Variants in EVL observed in about 807,000 individuals in gnomAD.
The protein encoded by EVL is ena/VASP-like protein.
EVL carries 21 observed loss-of-function variants against 59.6 expected under a neutral mutation model. The observed-to-expected ratio is 0.35, with a 90% confidence interval of 0.25 to 0.51. The LOEUF (loss-of-function observed/expected upper bound fraction) is 0.51. EVL is among the 20% of genes least tolerant of loss of function. The pLI, the probability that EVL is intolerant of heterozygous loss-of-function variation, is 0.97. For missense variants in EVL, 462 were observed against 546.6 expected (o/e 0.85, Z 1.54); for synonymous variants, 198 against 203.5 (o/e 0.97, Z 0.23).
chr14:100,003,091 T>C (rs986294191), intron 1 of EVL, among the ~76,000 whole-genome samples: 5 of 152,336 alleles, frequency 3.3e-5, no homozygotes, highest in South Asian at 2.1e-4. Flanking sequence ...GGTTAACTTA[T>C]AGAGAAACTG....
chr14:100,048,240 A>G (rs2061586993), intron 1 of EVL, among the ~76,000 whole-genome samples: 1 of 152,214 alleles, frequency 6.6e-6, no homozygotes, highest in Non-Finnish European at 1.5e-5. Context: ...ACTTGGAGAA[A>G]ATATTTACAA....
At chr14:100,123,446 C>T in intron 3 of EVL, 93 bp from the exon 4 acceptor site, 1 of 1,268,126 alleles carries the variant, frequency 7.9e-7, no homozygotes, top group South Asian at 1.3e-5. Flanking sequence ...CTTCTGCAGC[C>T]AGAAGGTGGG....
intron 1 of EVL, among the ~76,000 whole-genome samples, chr14:100,024,967 C>T (rs1380597955): frequency 6.6e-6 from 1 of 152,120 alleles, no homozygotes. Flanking sequence ...CCTACCAGCT[C>T]TGTCTCAGAA....
intron 3 of EVL, among the ~76,000 whole-genome samples, chr14:100,120,380 G>A (rs893644600): frequency 6.6e-6 from 1 of 152,220 alleles, no homozygotes; most frequent in African/African-American, 2.4e-5. Flanking sequence ...GGAGTGAGAC[G>A]TGCTCTCTGC....
At chr14:99,982,678 C>T (rs1019422517) in intron 1 of EVL, among the ~76,000 whole-genome samples, 7 of 152,156 alleles carry the variant, frequency 4.6e-5, no homozygotes, top group African/African-American at 1.7e-4. Context: ...GCGATTCATA[C>T]GAAGATGCAT....
At chr14:100,075,988 C>T (rs1483379753) in intron 1 of EVL, among the ~76,000 whole-genome samples, 2 of 152,098 alleles carry the variant, frequency 1.3e-5, no homozygotes, top group Admixed American at 1.3e-4. Flanking sequence ...GAGCCATATG[C>T]CTGTTAGTAG....
At chr14:100,040,524 C>T (rs1316295743) in intron 1 of EVL, among the ~76,000 whole-genome samples, 4 of 152,136 alleles carry the variant, frequency 2.6e-5, no homozygotes, top group Non-Finnish European at 5.9e-5. Flanking sequence ...CAGGACAGAA[C>T]GGAGCCTGAC....
At chr14:100,040,161 G>A (rs2061446546) in intron 1 of EVL, among the ~76,000 whole-genome samples, 1 of 152,220 alleles carries the variant, frequency 6.6e-6, no homozygotes, top group African/African-American at 2.4e-5. Flanking sequence ...ACGGCTCAAT[G>A]CACAGTGATC....
At position 100,070,970 on chromosome 14, in the gene EVL, A is replaced by G. The variant is rs370742600; in HGVS notation, c.11+5459A>G. On this transcript the variant is annotated intron_variant, in intron 1 of 13. Transcript: ENST00000392920. ...GAAAGGGCTACGCCGGTGGCCTTGA[A>G]AGAGTATGGGAGATGCATATGAGAC... Among the ~76,000 whole-genome samples, 13 of 152,272 alleles carry G rather than the reference A, an allele frequency of 8.5e-5. 1 individual carries two copies. The East Asian group carries it at 1.9e-3, about 23-fold the overall frequency.
At chr14:100,141,634 A>C (rs1889173576) in intron 12 of EVL, 102 bp from the exon 13 acceptor site, 1 of 1,066,128 alleles carries the variant, frequency 9.4e-7, no homozygotes, top group East Asian at 2.5e-5. Flanking sequence ...GCAACTCTGG[A>C]GAGGCCCAGG....
chr14:99,983,400 G>A (rs1268822529), intron 1 of EVL, among the ~76,000 whole-genome samples: 7 of 152,170 alleles, frequency 4.6e-5, no homozygotes, highest in African/African-American at 1.7e-4. Context: ...GGAAACATGA[G>A]CCAGTGTGTG....
chr14:99,997,884 TGATTA>T (rs1220034713), intron 1 of EVL, among the ~76,000 whole-genome samples: 2 of 152,232 alleles, frequency 1.3e-5, no homozygotes. Context: ...TTACCAAGCA[TGATTA>T]GAAATGCAAG....
At position 100,081,954 on chromosome 14, in the gene EVL, T is replaced by A. The variant is rs374407591; in HGVS notation, c.12-2733T>A. Among the ~76,000 whole-genome samples, 8 of 152,120 alleles carry A rather than the reference T, an allele frequency of 5.3e-5. No individual in the cohort carries two copies. The East Asian group carries it at 1.6e-3, about 29-fold the overall frequency. ...GTCTCTACTAAAATTTAAAACCCTG[T>A]CTCTGCTAGAATTTAAAAGATTAGC... On this transcript the variant is annotated intron_variant, in intron 1 of 13. Transcript: ENST00000392920.
intron 1 of EVL, among the ~76,000 whole-genome samples, chr14:100,015,957 T>A (rs2061046344): frequency 6.6e-6 from 1 of 151,652 alleles, no homozygotes; most frequent in East Asian, 1.9e-4. Flanking sequence ...TGCATGCCTG[T>A]AATCCCAGCT....
At chr14:99,989,331 T>TAA (rs1383552600) in intron 1 of EVL, among the ~76,000 whole-genome samples, 2 of 152,012 alleles carry the variant, frequency 1.3e-5, no homozygotes, top group African/African-American at 4.8e-5. Flanking sequence ...GATACTTATT[T>TAA]AAGTCAGGTC....
intron 11 of EVL, chr14:100,138,438 G>GTATC (rs1888947763): frequency 6.5e-6 from 1 of 153,462 alleles, no homozygotes; most frequent in African/African-American, 2.4e-5. Flanking sequence ...CAGCCACATA[G>GTATC]TATCTGGAGG....
At position 100,006,023 on chromosome 14, in the gene EVL, C is replaced by CCCG. The variant is rs1491188274; in HGVS notation, c.5+33966_5+33967insCCG. 8.1e-4 allele frequency among the ~76,000 whole-genome samples: 87 copies of CCCG among 107,970 alleles called. 1 individual carries two copies. The highest frequency in any genetic ancestry group is 2.6e-3 in the African/African-American group (83 of 31,364). The allele number at this position is 107,970 out of a possible 152,430, so 70.8% of individuals were successfully genotyped here. A position where few individuals can be genotyped will look rare whatever the true frequency, so the allele number is the denominator to read the frequency against. ...TGCTGGCCATTTCCCCCCCCCCCCC[C>CCCG]ACACCGACAACACTTTTGTGTGTGT... is the stretch of plus-strand genomic sequence containing the variant. On this transcript the variant is annotated intron_variant, in intron 1 of 13. Coordinates refer to the EVL transcript ENST00000402714.
intron 1 of EVL, among the ~76,000 whole-genome samples, chr14:100,034,807 C>T (rs1309683929): frequency 3.3e-5 from 5 of 152,142 alleles, no homozygotes; most frequent in Admixed American, 6.5e-5. Context: ...AGCTCAGGCT[C>T]CTCCTCTTAT....
chr14:100,031,773 T>C (rs1337854870), intron 1 of EVL, among the ~76,000 whole-genome samples: 1 of 152,222 alleles, frequency 6.6e-6, no homozygotes, highest in East Asian at 1.9e-4. Context: ...CTGCCCCCCA[T>C]CTTCATCAGC....
Sources: gnomAD v4.1 joint callset for allele counts (sites outside exome capture counted in the v4.1 genomes callset) on GRCh38, gnomAD v4.1.1 for gene constraint, MANE v1.5 for transcripts, NCBI Gene and HGNC (gene_info 2026-07-23, HGNC 2026-07-21) for gene names.